Variants in ZHX2 observed in about 807,000 individuals in gnomAD.
The protein encoded by ZHX2 is zinc fingers and homeoboxes 2, also known as zinc fingers and homeoboxes protein 2.
Under a neutral mutation model 21.9 loss-of-function variants are expected in ZHX2, and 6 were observed. That is an observed-to-expected ratio of 0.27 (90% confidence interval 0.15 to 0.54). The LOEUF (loss-of-function observed/expected upper bound fraction) is 0.54. ZHX2 is among the 20% of genes least tolerant of loss of function. ZHX2 has a pLI of 0.95. For synonymous variants in ZHX2, 434 were observed against 437.1 expected, an observed-to-expected ratio of 0.99 and a Z score of 0.09; for missense variants, 908 against 1,090.7, an observed-to-expected ratio of 0.83 and a Z score of 2.36.
At chr8:122,966,393 A>AT (rs1337139638) in intron 3 of ZHX2, among the ~76,000 whole-genome samples, 5 of 152,168 alleles carry the variant, frequency 3.3e-5, no homozygotes, top group African/African-American at 1.2e-4. Context: ...AAAAGACTTT[A>AT]TATCTCCTTC....
chr8:122,956,416 G>T (rs1813304246), intron 3 of ZHX2, among the ~76,000 whole-genome samples: 1 of 152,176 alleles, frequency 6.6e-6, no homozygotes, highest in Admixed American at 6.5e-5. Flanking sequence ...GTTACGATGG[G>T]GAAGGGCACG....
intron 2 of ZHX2, among the ~76,000 whole-genome samples, chr8:122,896,418 T>C (rs912583415): frequency 6.6e-6 from 1 of 152,240 alleles, no homozygotes; most frequent in Middle Eastern, 3.2e-3. Context: ...ATGATGGAAG[T>C]AACTGGCATT....
At chr8:122,960,909 A>G (rs1399252180) in intron 3 of ZHX2, among the ~76,000 whole-genome samples, 1 of 152,216 alleles carries the variant, frequency 6.6e-6, no homozygotes, top group Admixed American at 6.5e-5. Context: ...CCAACTTGCA[A>G]ATGTCCTGGG....
chr8:122,886,894 A>G (rs1346499266), intron 2 of ZHX2, among the ~76,000 whole-genome samples: 1 of 152,188 alleles, frequency 6.6e-6, no homozygotes, highest in Non-Finnish European at 1.5e-5. Flanking sequence ...CTGCCCTACA[A>G]GCAAGGCCCT....
At chr8:122,844,837 G>T (rs568092497) in intron 1 of ZHX2, among the ~76,000 whole-genome samples, 1 of 152,136 alleles carries the variant, frequency 6.6e-6, no homozygotes, top group African/African-American at 2.4e-5. Flanking sequence ...TGCACTGACT[G>T]CAAGGAAACC....
Position 122,952,378 on chromosome 8 carries a change from G to A in ZHX2, c.868G>A (p.Ala290Thr). Residue 290 changes from alanine to threonine, a missense_variant, in exon 3 of 4, where the codon GCT becomes ACT. Physicochemically the swap from Ala to Thr is moderately conservative, Grantham distance 58. This residue lies in a region of ZHX2 where 232 missense variants were observed against 361.8 expected (regional missense o/e 0.64). Coordinates refer to ENST00000314393, the MANE Select transcript of ZHX2 (RefSeq NM_014943.5). The surrounding 1 kb of genome is among the most constrained non-coding windows in gnomAD (Gnocchi z 6.9). ...CAACAAGTTTCCTTACCCGACCCAG[G>A]CTGAGTTGTCCTGGCTGACAGCTGC... The part of the protein sequence containing the change: ...SFNKFPYPTQ[A>T]ELSWLTAASK... The A allele has an allele frequency of 1.2e-6, 2 of 1,614,156 alleles. No homozygotes were observed. The highest frequency in any genetic ancestry group is 2.2e-5 in the South Asian group (2 of 91,074).
At chr8:122,822,876 G>A (rs1290256401) in intron 1 of ZHX2, among the ~76,000 whole-genome samples, 1 of 152,232 alleles carries the variant, frequency 6.6e-6, no homozygotes, top group South Asian at 2.1e-4. Flanking sequence ...CTGGGCAGGT[G>A]GTGGCTCAGT....
At chr8:122,832,160 G>T (rs1417152356) in intron 1 of ZHX2, among the ~76,000 whole-genome samples, 2 of 152,212 alleles carry the variant, frequency 1.3e-5, no homozygotes, top group Non-Finnish European at 2.9e-5. Flanking sequence ...AGCGTGGCCG[G>T]GTTTAGATGG....
At chr8:122,910,320 A>G (rs1164539431) in intron 2 of ZHX2, among the ~76,000 whole-genome samples, 1 of 152,202 alleles carries the variant, frequency 6.6e-6, no homozygotes, top group Non-Finnish European at 1.5e-5. Context: ...TTGAGAGTTC[A>G]GTGACATGCC....
At chr8:122,934,719 C>T (rs1030519972) in intron 2 of ZHX2, among the ~76,000 whole-genome samples, 31 of 151,430 alleles carry the variant, frequency 2.0e-4, no homozygotes, top group Admixed American at 9.9e-4. Flanking sequence ...GATGAAGTTT[C>T]GCTTTTGTTG....
intron 2 of ZHX2, among the ~76,000 whole-genome samples, chr8:122,905,923 C>A (rs1820336885): frequency 6.6e-6 from 1 of 152,306 alleles, no homozygotes; most frequent in East Asian, 1.9e-4. Flanking sequence ...CCAGCTTCCT[C>A]CCTTTTTTAT....
At chr8:122,881,298 G>A (rs370149134) in intron 2 of ZHX2, among the ~76,000 whole-genome samples, 1 of 152,120 alleles carries the variant, frequency 6.6e-6, no homozygotes, top group African/African-American at 2.4e-5. Flanking sequence ...AAACTAAGGA[G>A]GTAAAGTCTG....
intron 2 of ZHX2, among the ~76,000 whole-genome samples, chr8:122,913,926 T>A (rs570552537): frequency 6.6e-6 from 1 of 152,302 alleles, no homozygotes; most frequent in East Asian, 1.9e-4. Context: ...ACAATGGCCT[T>A]CATGAGAGCA....
At chr8:122,871,046 G>A (rs1436605670) in intron 2 of ZHX2, among the ~76,000 whole-genome samples, 1 of 152,156 alleles carries the variant, frequency 6.6e-6, no homozygotes, top group Non-Finnish European at 1.5e-5. Context: ...ACGGGGAGCA[G>A]CATGGAGTAG....
At chr8:122,821,160 G>T (rs1818137521) in intron 1 of ZHX2, among the ~76,000 whole-genome samples, 1 of 152,222 alleles carries the variant, frequency 6.6e-6, no homozygotes, top group Non-Finnish European at 1.5e-5. Context: ...GGGTGCGCTG[G>T]TTCTGCAGGG....
intron 2 of ZHX2, among the ~76,000 whole-genome samples, chr8:122,930,694 T>C (rs934922224): frequency 6.6e-6 from 1 of 152,102 alleles, no homozygotes; most frequent in East Asian, 1.9e-4. Context: ...TTCACCATGT[T>C]GGCCAGGTTG....
intron 2 of ZHX2, among the ~76,000 whole-genome samples, chr8:122,897,476 T>C (rs1460873230): frequency 1.3e-5 from 2 of 152,214 alleles, no homozygotes; most frequent in African/African-American, 4.8e-5. Context: ...CTGGAGAACA[T>C]TGTGTCCCAC....
intron 2 of ZHX2, among the ~76,000 whole-genome samples, chr8:122,941,628 C>G (rs1233162475): frequency 6.6e-6 from 1 of 150,622 alleles, no homozygotes; most frequent in South Asian, 2.1e-4. Context: ...TTCGGCATGG[C>G]AGGGAGCTTT....
At chr8:122,890,188 T>C (rs1185963948) in intron 2 of ZHX2, among the ~76,000 whole-genome samples, 1 of 152,210 alleles carries the variant, frequency 6.6e-6, no homozygotes, top group Non-Finnish European at 1.5e-5. Context: ...ATATTCAGTT[T>C]TCCCAGCGCC....
Sources: allele counts gnomAD v4.1 joint callset (sites outside exome capture counted in the v4.1 genomes callset), GRCh38; gene constraint gnomAD v4.1.1; regional missense constraint gnomAD v4.1.1; non-coding constraint Gnocchi (gnomAD v3.1); transcripts MANE v1.5; gene names NCBI Gene and HGNC (gene_info 2026-07-23, HGNC 2026-07-21).